SRGAP1: variants seen among roughly 807,000 people sequenced by gnomAD.
SRGAP1 encodes SLIT-ROBO Rho GTPase-activating protein 1.
SRGAP1 carries 43 observed loss-of-function variants against 121.9 expected under a neutral mutation model. The observed-to-expected ratio is 0.35, with a 90% CI of 0.28 to 0.46. SRGAP1 has a LOEUF of 0.46. Ranked by LOEUF, SRGAP1 falls within the 20% of genes least tolerant of loss-of-function variation. The pLI, the probability that SRGAP1 is intolerant of heterozygous loss-of-function variation, is 1.00. For synonymous variants in SRGAP1, 447 were observed against 485.4 expected (o/e 0.92, Z 1.04); for missense variants, 1,102 against 1,350.9 (o/e 0.82, Z 2.89).
In SRGAP1 at chr12:64,150,548, A is replaced by C. The variant is rs2037106395; in HGVS notation, c.*7876A>C. ...TGTGCCAATAAGCCAGGAGAGAAGG[A>C]AACATCTTCAGTGGTCCAGTGGCAC... On this transcript the variant is annotated 3_prime_UTR_variant, in exon 22 of 22. Transcript: ENST00000355086. 6.6e-6 allele frequency: 1 copy of C among 152,176 alleles called. No homozygotes were observed. The highest frequency in any genetic ancestry group is 1.5e-5 in the Non-Finnish European group (1 of 68,036). 9.4% of individuals were successfully genotyped at this position (152,176 alleles called of 1,614,324 possible). A position where few individuals can be genotyped will look rare whatever the true frequency, so the allele number is the denominator to read the frequency against.
chr12:64,130,132 G>A (rs2036761916), intron 21 of SRGAP1, among the ~76,000 whole-genome samples: 5 of 152,110 alleles, frequency 3.3e-5, no homozygotes, highest in Admixed American at 2.6e-4. Flanking sequence ...ACTAAGAAAC[G>A]CCCTAATGGA....
intron 1 of SRGAP1, among the ~76,000 whole-genome samples, chr12:63,909,053 C>G (rs2030363103): frequency 1.3e-5 from 2 of 151,960 alleles, no homozygotes; most frequent in Admixed American, 1.3e-4. Flanking sequence ...TCACACCCAG[C>G]TAATCTTTGT....
At chr12:64,041,490 T>TC (rs2035023436) in intron 4 of SRGAP1, among the ~76,000 whole-genome samples, 1 of 151,792 alleles carries the variant, frequency 6.6e-6, no homozygotes, top group South Asian at 2.1e-4. Context: ...GCTCAACCAA[T>TC]CCCCTCGCCC....
At chr12:63,943,279 A>G (rs1389147300) in intron 1 of SRGAP1, among the ~76,000 whole-genome samples, 1 of 152,236 alleles carries the variant, frequency 6.6e-6, no homozygotes, top group East Asian at 1.9e-4. Context: ...CTGTGCCAGG[A>G]GCTGATCATA....
chr12:63,879,489 A>C (rs1184942544), intron 1 of SRGAP1: 1 of 152,220 alleles, frequency 6.6e-6, no homozygotes, highest in African/African-American at 2.4e-5. Context: ...AAAGAAAAAC[A>C]TACAAAACAC....
At chr12:63,955,290 G>T (rs2032429285) in intron 1 of SRGAP1, among the ~76,000 whole-genome samples, 1 of 152,098 alleles carries the variant, frequency 6.6e-6, no homozygotes, top group Non-Finnish European at 1.5e-5. Context: ...CTGCACTCCA[G>T]CCTGGGTGAC....
chr12:64,146,336 G>T lies in SRGAP1; in HGVS notation c.*3664G>T, dbSNP rs905282707. 1 of 152,124 alleles carries T rather than the reference G, an allele frequency of 6.6e-6. No individual in the cohort carries two copies. The highest frequency in any genetic ancestry group is 1.5e-5 in the Non-Finnish European group (1 of 68,028). 9.4% of individuals were successfully genotyped at this position (152,124 alleles called of 1,614,324 possible). ...GATATAGTGCTCCAAGAGTCAAATTGTATCCGTTAAGGGTTTTCTAACTTT... is the reference window on the plus strand; with the variant it reads ...GATATAGTGCTCCAAGAGTCAAATTTTATCCGTTAAGGGTTTTCTAACTTT... On this transcript the variant is annotated 3_prime_UTR_variant, in exon 22 of 22. Coordinates refer to ENST00000355086, the MANE Select transcript of SRGAP1 (RefSeq NM_020762.4).
intron 1 of SRGAP1, among the ~76,000 whole-genome samples, chr12:63,900,180 TTTTTTC>T (rs1281139837): frequency 7.7e-6 from 1 of 129,054 alleles, no homozygotes; most frequent in Non-Finnish European, 1.6e-5. Flanking sequence ...TTGCCCTTGC[TTTTTTC>T]TTTTTCTTTT....
Position 64,143,432 on chromosome 12 carries a change from T to G in SRGAP1, c.*760T>G, listed in dbSNP as rs1408430569. 1 of 152,196 alleles carries G rather than the reference T, an allele frequency of 6.6e-6. No homozygotes were observed. Among genetic ancestry groups the G allele is most frequent in the African/African-American group, 2.4e-5 (1 of 41,432 alleles). 9.4% of individuals were successfully genotyped at this position (152,196 alleles called of 1,614,324 possible). Reference sequence around the variant, plus strand: ...GATTTCCAAGTCCCCCCATCTACACTTACAAACGATTAGAAGGGTTTAATT... The same window carrying G: ...GATTTCCAAGTCCCCCCATCTACACGTACAAACGATTAGAAGGGTTTAATT... On this transcript the variant is annotated 3_prime_UTR_variant, in exon 22 of 22. Coordinates refer to ENST00000355086, the MANE Select transcript of SRGAP1 (RefSeq NM_020762.4).
chr12:63,873,572 G>A (rs890305084), intron 1 of SRGAP1, among the ~76,000 whole-genome samples: 1 of 151,384 alleles, frequency 6.6e-6, no homozygotes, highest in African/African-American at 2.4e-5. Flanking sequence ...AAAAAACTGA[G>A]GAAAGTTGAA....
At chr12:63,858,322 GT>G (rs113421124) in intron 1 of SRGAP1, among the ~76,000 whole-genome samples, 8 of 144,874 alleles carry the variant, frequency 5.5e-5, no homozygotes, top group Non-Finnish European at 7.6e-5. Flanking sequence ...CGCTGTCTAT[GT>G]TTTTTTTTTG....
intron 1 of SRGAP1, among the ~76,000 whole-genome samples, chr12:63,899,125 C>T (rs887345128): frequency 6.6e-6 from 1 of 152,124 alleles, no homozygotes; most frequent in African/African-American, 2.4e-5. Flanking sequence ...GTAATCCCAG[C>T]ACTCCTAGCA....
chr12:64,101,205 T>C (rs1460150584), intron 15 of SRGAP1, among the ~76,000 whole-genome samples: 1 of 152,190 alleles, frequency 6.6e-6, no homozygotes, highest in Non-Finnish European at 1.5e-5. Context: ...ACAGTTATTT[T>C]GTATAGAAAA....
At chr12:63,851,955 T>C (rs1005814305) in intron 1 of SRGAP1, among the ~76,000 whole-genome samples, 5 of 152,160 alleles carry the variant, frequency 3.3e-5, no homozygotes, top group Non-Finnish European at 5.9e-5. Context: ...CATTGTTATC[T>C]CTTTAATGCT....
At position 64,152,304 on chromosome 12, in the gene SRGAP1, CAG is replaced by C. The variant is rs1374728904; in HGVS notation, c.*9635_*9636del. ...CCCTGGTCACACAGCTAGATAGTGA[CAG>C]AGCAGGATTTGATTCCACGCCATCT... On this transcript the variant is annotated 3_prime_UTR_variant, in exon 22 of 22. Transcript: ENST00000355086. 1 of 152,168 alleles carries C rather than the reference CAG, an allele frequency of 6.6e-6. No homozygotes were observed. The highest frequency in any genetic ancestry group is 1.5e-5 in the Non-Finnish European group (1 of 68,038). 9.4% of individuals were successfully genotyped at this position (152,168 alleles called of 1,614,324 possible).
intron 12 of SRGAP1, chr12:64,091,757 CAGG>C: frequency 1.5e-6 from 1 of 653,454 alleles, no homozygotes; most frequent in South Asian, 2.2e-5. Flanking sequence ...TGAAACACAG[CAGG>C]AGTTTTGATT....
intron 2 of SRGAP1, among the ~76,000 whole-genome samples, chr12:63,989,688 A>C (rs965448310): frequency 6.6e-6 from 1 of 152,226 alleles, no homozygotes; most frequent in African/African-American, 2.4e-5. Flanking sequence ...TCATGGTCCA[A>C]GTTTTTCCTT....
At chr12:63,983,289 C>T (rs1211505401) in intron 1 of SRGAP1, 1 of 152,148 alleles carries the variant, frequency 6.6e-6, no homozygotes, top group South Asian at 2.1e-4. Flanking sequence ...AAAGGGATAG[C>T]TGAGGTAGAG....
intron 5 of SRGAP1, 125 bp from the exon 6 acceptor site, chr12:64,043,322 C>T: frequency 1.0e-6 from 1 of 968,386 alleles, no homozygotes; most frequent in Non-Finnish European, 1.5e-6. Context: ...TGGCAAAGGA[C>T]TTTCAGGGTC....
Sources: gnomAD v4.1 joint callset for allele counts (sites outside exome capture counted in the v4.1 genomes callset) on GRCh38, gnomAD v4.1.1 for gene constraint, MANE v1.5 for transcripts, NCBI Gene and HGNC (gene_info 2026-07-23, HGNC 2026-07-21) for gene names.